Variants in FLT1 observed in about 807,000 individuals in gnomAD.
The protein encoded by FLT1 is fms related receptor tyrosine kinase 1, also known as vascular endothelial growth factor receptor 1.
A neutral mutation model predicts 156.3 loss-of-function variants in FLT1; 49 were observed. The ratio of observed to expected loss-of-function variants is 0.31; its 90% CI spans 0.25 to 0.40. The LOEUF is 0.40. Among genes scored for constraint, FLT1 ranks in the 10% least tolerant of loss-of-function variants. The pLI is 1.00. For synonymous variants in FLT1, 594 were observed against 583.8 expected (o/e 1.02, Z -0.25); for missense variants, 1,322 against 1,637.2 (o/e 0.81, Z 3.32).
At chr13:28,387,848 C>A in intron 13 of FLT1, 1 of 1,042,670 alleles carries the variant, frequency 9.6e-7, no homozygotes, top group Non-Finnish European at 1.2e-6. Flanking sequence ...ATTAATTACA[C>A]AGTGAACAAC....
chr13:28,472,764 C>T (rs1274839802), intron 1 of FLT1, among the ~76,000 whole-genome samples: 1 of 152,184 alleles, frequency 6.6e-6, no homozygotes, highest in African/African-American at 2.4e-5. Flanking sequence ...CATTAAGCCT[C>T]CGATTCTTCA....
intron 1 of FLT1, among the ~76,000 whole-genome samples, chr13:28,475,895 C>T (rs1880515865): frequency 6.6e-6 from 1 of 152,200 alleles, no homozygotes; most frequent in Admixed American, 6.5e-5. Context: ...TCTCCTCTCA[C>T]TTCCAGAATG....
chr13:28,313,588 C>T (rs185756489), intron 25 of FLT1, among the ~76,000 whole-genome samples: 2 of 152,302 alleles, frequency 1.3e-5, no homozygotes, highest in East Asian at 3.9e-4. Context: ...CTCATTTCCA[C>T]ACCTCTCGCC....
In FLT1 at chr13:28,362,059, A is replaced by T. The variant is rs932953741; in HGVS notation, c.2117-4374T>A. Among the ~76,000 whole-genome samples, 4 of 152,192 alleles carry T rather than the reference A, an allele frequency of 2.6e-5. No individual in the cohort carries two copies. In the South Asian group the frequency reaches 6.2e-4, roughly 24 times the overall value. On this transcript the variant is annotated intron_variant, in intron 14 of 29. Transcript: ENST00000282397. Reference sequence around the variant, plus strand: ...GAGGTCTCAAATCTGGATGGTGGGAAAGGAAGTAGAGAGGAAGAAATGGAA... The same window carrying T: ...GAGGTCTCAAATCTGGATGGTGGGATAGGAAGTAGAGAGGAAGAAATGGAA...
At chr13:28,383,702 A>C (rs561892428) in intron 14 of FLT1, among the ~76,000 whole-genome samples, 3 of 151,290 alleles carry the variant, frequency 2.0e-5, no homozygotes, top group Admixed American at 2.0e-4. Context: ...GGCGGCGGGC[A>C]CCTGTAATCC....
intron 10 of FLT1, among the ~76,000 whole-genome samples, chr13:28,422,843 T>C (rs1877090281): frequency 6.6e-6 from 1 of 152,224 alleles, no homozygotes; most frequent in Non-Finnish European, 1.5e-5. Context: ...AAACTGATTA[T>C]GCCAAGACTG....
chr13:28,486,436 G>A (rs1881170798), intron 1 of FLT1, among the ~76,000 whole-genome samples: 1 of 152,252 alleles, frequency 6.6e-6, no homozygotes, highest in Non-Finnish European at 1.5e-5. Flanking sequence ...AGATACGGAG[G>A]CCCGGATGGA....
At chr13:28,393,665 C>T (rs942648944) in intron 12 of FLT1, among the ~76,000 whole-genome samples, 1 of 152,162 alleles carries the variant, frequency 6.6e-6, no homozygotes. Flanking sequence ...TGGCTCACTG[C>T]AGCCTCGACC....
At chr13:28,350,153 G>A (rs899620619) in intron 15 of FLT1, among the ~76,000 whole-genome samples, 15 of 152,220 alleles carry the variant, frequency 9.9e-5, no homozygotes, top group Admixed American at 7.9e-4. Context: ...CCAGGGAAAT[G>A]TGGGTGGGAT....
intron 3 of FLT1, among the ~76,000 whole-genome samples, chr13:28,461,719 C>T (rs766672046): frequency 6.6e-6 from 1 of 151,896 alleles, no homozygotes; most frequent in Non-Finnish European, 1.5e-5. Flanking sequence ...CTTTTTTTCC[C>T]CCGCTAAACA....
chr13:28,393,672 G>A (rs913291153), intron 12 of FLT1, among the ~76,000 whole-genome samples: 4 of 152,070 alleles, frequency 2.6e-5, no homozygotes, highest in African/African-American at 9.7e-5. Flanking sequence ...CTGCAGCCTC[G>A]ACCTCCTGGG....
intron 15 of FLT1, among the ~76,000 whole-genome samples, chr13:28,351,323 C>T (rs1027847807): frequency 2.0e-5 from 3 of 152,136 alleles, no homozygotes; most frequent in Non-Finnish European, 4.4e-5. Context: ...GTTTCTTGTT[C>T]GCTTTGAGTC....
At chr13:28,429,467 A>G (rs1305914739) in intron 8 of FLT1, among the ~76,000 whole-genome samples, 2 of 152,194 alleles carry the variant, frequency 1.3e-5, no homozygotes, top group African/African-American at 4.8e-5. Flanking sequence ...CAGGTGTTGT[A>G]CCAGTGTTTT....
At chr13:28,382,715 G>T (rs900262809) in intron 14 of FLT1, among the ~76,000 whole-genome samples, 2 of 152,172 alleles carry the variant, frequency 1.3e-5, no homozygotes, top group Non-Finnish European at 2.9e-5. Context: ...GGTGTAATCT[G>T]CTCAGTCTGG....
chr13:28,433,173 G>GA (rs1483209643), intron 6 of FLT1, among the ~76,000 whole-genome samples: 2 of 152,204 alleles, frequency 1.3e-5, no homozygotes, highest in Admixed American at 6.5e-5. Context: ...TAGAACTACT[G>GA]TCAAAATTTC....
chr13:28,309,884 C>CTTTTTT (rs60568918), intron 27 of FLT1, among the ~76,000 whole-genome samples: 6 of 90,868 alleles, frequency 6.6e-5, no homozygotes, highest in Non-Finnish European at 9.9e-5. Flanking sequence ...TTCTTTTTTC[C>CTTTTTT]TTTTTTTTTT....
intron 12 of FLT1, 83 bp from the exon 13 acceptor site, chr13:28,390,187 C>A: frequency 1.3e-6 from 2 of 1,565,422 alleles, no homozygotes; most frequent in South Asian, 1.1e-5. Context: ...AAGAATTGTT[C>A]GTGCACAAAT....
At chr13:28,483,119 A>G (rs1437141206) in intron 1 of FLT1, among the ~76,000 whole-genome samples, 1 of 152,240 alleles carries the variant, frequency 6.6e-6, no homozygotes, top group Non-Finnish European at 1.5e-5. Context: ...TTTTCAAAGA[A>G]CAGCAGTGAA....
rs775271915 is a variant in FLT1 at position 28,412,329 on chromosome 13, C to CTTTCTTTTTCTTTCTTTCT, written c.1437-6436_1437-6435insAGAAAGAAAGAAAAAGAAA. On this transcript the variant is annotated intron_variant, in intron 10 of 29. Transcript: ENST00000282397. ...TTTCTCTTTCTTTCTTTCTTTCTTT[C>CTTTCTTTTTCTTTCTTTCT]TTTTCTTTCTTTCTTTCTTTCTCTT... 2.1e-4 allele frequency among the ~76,000 whole-genome samples: 19 copies of CTTTCTTTTTCTTTCTTTCT among 88,960 alleles called. 2 individuals are homozygous for CTTTCTTTTTCTTTCTTTCT. The highest frequency in any genetic ancestry group is 7.0e-4 in the African/African-American group (17 of 24,114). 58.4% of individuals were successfully genotyped at this position (88,960 alleles called of 152,430 possible).
Sources: gnomAD v4.1 joint callset for allele counts (sites outside exome capture counted in the v4.1 genomes callset) on GRCh38, gnomAD v4.1.1 for gene constraint, MANE v1.5 for transcripts, NCBI Gene and HGNC (gene_info 2026-07-23, HGNC 2026-07-21) for gene names.